The following PLA2R1 variants were observed in gnomAD, a reference collection of about 807,000 sequenced individuals.
The protein encoded by PLA2R1 is phospholipase A2 receptor 1, also known as secretory phospholipase A2 receptor.
Under a neutral mutation model 195.9 loss-of-function variants are expected in PLA2R1, and 158 were observed. The observed-to-expected ratio is 0.81, with a 90% CI of 0.71 to 0.92. PLA2R1 has a LOEUF of 0.92. Ranked by LOEUF, PLA2R1 falls within the 40% of genes least tolerant of loss-of-function variation. The pLI, the probability that PLA2R1 is intolerant of heterozygous loss-of-function variation, is 0.00. For synonymous variants in PLA2R1, 586 were observed against 598.2 expected, an observed-to-expected ratio of 0.98 and a Z score of 0.30; for missense variants, 1,626 against 1,764.6, an observed-to-expected ratio of 0.92 and a Z score of 1.41.
Position 160,016,666 on chromosome 2 carries a change from A to T in PLA2R1, c.1499T>A (p.Ile500Asn). ...GAGGACATGGCCTGCTTTTTTACAA[A>T]TGTAAAAAAGTCTTTCTTCACAATT... ...VKNCEERLFY[I>N]CKKAGHVLSD... Residue 500 changes from isoleucine to asparagine, a missense_variant, in exon 9 of 30, where the codon ATT (isoleucine) becomes AAT (asparagine). Transcript: ENST00000283243. The T allele has an allele frequency of 6.2e-7, 1 of 1,609,306 alleles. No individual in the cohort carries two copies. The highest frequency in any genetic ancestry group is 1.1e-5 in the South Asian group (1 of 90,980).
chr2:159,925,212 A>T, the PLA2R1 span, among the ~76,000 whole-genome samples: 2 of 151,880 alleles, frequency 1.3e-5, no homozygotes, highest in Non-Finnish European at 2.9e-5. Flanking sequence ...CAAACAATCA[A>T]TTAGGATCTT....
rs1687418876 is a variant in PLA2R1 at position 159,946,872 on chromosome 2, A to G, written c.3896T>C (p.Leu1299Pro). The change falls in exon 27 of 30, where the codon CTC becomes CCC. Residue 1299 changes from leucine to proline, a missense_variant. By Grantham distance (98) the Leu-to-Pro change is moderately conservative (BLOSUM62 -3). Transcript: ENST00000283243. ...ACCAAAAGCAAACAGCTCTTCTAGG[A>G]GAAATGCATTTTCAGCCTCATCCTT... ...TIKDEAENAF[L>P]LEELFAFGSS... The G allele has an allele frequency of 6.2e-7, 1 of 1,611,020 alleles. No homozygotes were observed. The highest frequency in any genetic ancestry group is 1.1e-5 in the South Asian group (1 of 90,440).
At chr2:159,949,501 A>C in intron 25 of PLA2R1, 107 bp downstream of exon 25, 1 of 722,856 alleles carries the variant, frequency 1.4e-6, no homozygotes, top group African/African-American at 1.8e-5. Context: ...GGCTTCTTGA[A>C]GAGAGACTTC....
At chr2:160,005,844 G>C in intron 10 of PLA2R1, 23 bp from the exon 11 acceptor site, 4 of 1,562,380 alleles carry the variant, frequency 2.6e-6, no homozygotes, top group Non-Finnish European at 3.5e-6. Flanking sequence ...AAAAAGAAGT[G>C]GTTACATTAA....
Position 160,020,198 on chromosome 2 carries a change from T to C in PLA2R1, c.1360A>G (p.Asn454Asp), listed in dbSNP as rs1329745721. The C allele has an allele frequency of 1.2e-6, 2 of 1,606,604 alleles. No homozygotes were observed. Among genetic ancestry groups the C allele is most frequent in the African/African-American group, 2.7e-5 (2 of 74,810 alleles). Reference sequence around the variant, plus strand: ...TTAGTAAAGATGACTGAAGAGTCATTAGACCATTCAAAGGAAACTGGAATT... The same window carrying C: ...TTAGTAAAGATGACTGAAGAGTCATCAGACCATTCAAAGGAAACTGGAATT... ...NKIPVSFEWSNDSSVIFTNWH... is the reference protein window; with the variant it reads ...NKIPVSFEWSDDSSVIFTNWH... The change falls in exon 8 of 30, where the codon AAT (asparagine) becomes GAT (aspartate). Residue 454 changes from asparagine (N) to aspartate (D), a missense_variant. Asn to Asp is a conservative substitution (Grantham distance 23). Coordinates refer to ENST00000283243, the MANE Select transcript of PLA2R1 (RefSeq NM_007366.5).
At chr2:160,033,642 A>C (rs575544244) in intron 3 of PLA2R1, among the ~76,000 whole-genome samples, 52 of 152,348 alleles carry the variant, frequency 3.4e-4, no homozygotes, top group Middle Eastern at 6.8e-3. Context: ...ACTGACATAT[A>C]GTTTAAGAAA....
chr2:160,042,242 C>G, intron 2 of PLA2R1, 44 bp from the exon 3 acceptor site: 1 of 1,556,976 alleles, frequency 6.4e-7, no homozygotes, highest in Non-Finnish European at 8.8e-7. Context: ...ATGATGTCAG[C>G]TTTATCTTTG....
Position 159,979,854 on chromosome 2 carries a change from T to C in PLA2R1, c.2244A>G (p.Ser748=). 1.9e-6 allele frequency: 3 copies of C among 1,604,324 alleles called. No individual in the cohort carries two copies. The highest frequency in any genetic ancestry group is 3.3e-4 in the Middle Eastern group (2 of 6,052). Residue 748 remains serine (S), a synonymous_variant, in exon 14 of 30, where the codon TCA becomes TCG. Transcript: ENST00000283243. The part of the protein sequence containing the change: ...FNKRNPLNAG[S]WEWSDRTPVV... The stretch of plus-strand genomic sequence containing the variant: ...CAGGAGTTCTATCAGACCACTCCCA[T>C]GAGCCGGCATTCAGTGGGTTTCTTT...
At chr2:160,019,016 G>T (rs563121409) in intron 8 of PLA2R1, among the ~76,000 whole-genome samples, 10 of 152,316 alleles carry the variant, frequency 6.6e-5, no homozygotes, top group Non-Finnish European at 1.0e-4. Flanking sequence ...AGTGTATTCA[G>T]CAGCTATCTT....
At chr2:160,030,724 G>C (rs568919701) in intron 4 of PLA2R1, among the ~76,000 whole-genome samples, 1 of 152,106 alleles carries the variant, frequency 6.6e-6, no homozygotes, top group East Asian at 1.9e-4. Flanking sequence ...TTGTACCATA[G>C]TATATGTTCA....
At chr2:160,054,278 G>A (rs919297296) in intron 1 of PLA2R1, among the ~76,000 whole-genome samples, 1 of 151,964 alleles carries the variant, frequency 6.6e-6, no homozygotes, top group Non-Finnish European at 1.5e-5. Context: ...TTTACAAAAA[G>A]TTTAAATTTT....
chr2:159,970,217 T>C lies in PLA2R1; in HGVS notation c.2596-5A>G, dbSNP rs756625982. On this transcript the variant is annotated splice_region_variant and splice_polypyrimidine_tract_variant and intron_variant, in intron 17 of 29. Transcript: ENST00000283243. The stretch of plus-strand genomic sequence containing the variant: ...ACTTGCACCATACTTTGATAGCTAT[T>C]GAAAGAAAAAAAGTCAGCATTTATT... 6.2e-7 allele frequency: 1 copy of C among 1,601,774 alleles called. No individual in the cohort carries two copies. Among genetic ancestry groups the C allele is most frequent in the Non-Finnish European group, 8.5e-7 (1 of 1,172,612 alleles).
chr2:159,989,478 C>A (rs1690608137), intron 11 of PLA2R1, among the ~76,000 whole-genome samples: 1 of 152,176 alleles, frequency 6.6e-6, no homozygotes, highest in Non-Finnish European at 1.5e-5. Flanking sequence ...CCAGTTACTG[C>A]ACAGCACAGG....
At chr2:160,047,160 G>A (rs770773052) in intron 1 of PLA2R1, among the ~76,000 whole-genome samples, 5 of 152,270 alleles carry the variant, frequency 3.3e-5, no homozygotes, top group East Asian at 1.9e-4. Flanking sequence ...CTGGAGTCAC[G>A]TGGAGCTGTC....
chr2:160,031,299 AAATAGTTTTATC>A (rs1351190270), intron 4 of PLA2R1, among the ~76,000 whole-genome samples: 2 of 152,254 alleles, frequency 1.3e-5, no homozygotes, highest in Non-Finnish European at 2.9e-5. Context: ...ATAACAAAAC[AAATAGTTTTATC>A]AATATCTCTA....
At chr2:159,981,791 C>T (rs1689972514) in intron 13 of PLA2R1, among the ~76,000 whole-genome samples, 1 of 152,174 alleles carries the variant, frequency 6.6e-6, no homozygotes, top group Non-Finnish European at 1.5e-5. Flanking sequence ...CTCACTGTAA[C>T]TTTGAACTAG....
chr2:160,033,086 A>G lies in PLA2R1; in HGVS notation c.714T>C (p.Asn238=), dbSNP rs750200935. The change falls in exon 4 of 30, where the codon AAT becomes AAC. Residue 238 remains asparagine, a synonymous_variant. Transcript: ENST00000283243. ...GCDTIWEKDL[N]SHICYQFNLL... Reference sequence around the variant, plus strand: ...GGTTGAACTGGTAGCAAATGTGTGAATTGAGGTCCTTCTCCCAAATAGTAT... The same window carrying G: ...GGTTGAACTGGTAGCAAATGTGTGAGTTGAGGTCCTTCTCCCAAATAGTAT... 7.1e-5 allele frequency: 115 copies of G among 1,613,306 alleles called. No individual in the cohort carries two copies. The highest frequency in any genetic ancestry group is 9.4e-5 in the Non-Finnish European group (111 of 1,179,712).
rs745893181 is a variant in PLA2R1, at chr2:159,945,182, TTTTTTA to T, written c.3968-106_3968-101del. 3.2e-3 allele frequency: 1,889 copies of T among 586,820 alleles called. 16 individuals carry two copies. The highest frequency in any genetic ancestry group is 3.3e-3 in the Non-Finnish European group (1,277 of 392,190). The allele number at this position is 586,820 out of a possible 1,614,324, so 36.4% of individuals were successfully genotyped here. On this transcript the variant is annotated intron_variant, in intron 27 of 29. Transcript: ENST00000283243. ...AAAAGCAGCCCCTGAATTTTTTTAT[TTTTTTA>T]TTTTTATTTTTATTTTTTTATTATT...
intron 1 of PLA2R1, among the ~76,000 whole-genome samples, chr2:160,056,106 C>G (rs1052237679): frequency 6.6e-6 from 1 of 152,110 alleles, no homozygotes; most frequent in African/African-American, 2.4e-5. Context: ...CACTCTGACT[C>G]GATGCTTTCC....
Sources: gnomAD v4.1 joint callset for allele counts (sites outside exome capture counted in the v4.1 genomes callset) on GRCh38, gnomAD v4.1.1 for gene constraint, MANE v1.5 for transcripts, NCBI Gene and HGNC (gene_info 2026-07-23, HGNC 2026-07-21) for gene names.